Variants in PLEKHG5 observed in about 807,000 individuals in gnomAD.
PLEKHG5 encodes pleckstrin homology domain-containing family G member 5.
PLEKHG5 carries 52 observed loss-of-function variants against 103.8 expected under a neutral mutation model. The ratio of observed to expected loss-of-function variants is 0.50; its 90% CI spans 0.40 to 0.63. PLEKHG5 has a LOEUF of 0.63. Ranked by LOEUF, PLEKHG5 falls within the 30% of genes least tolerant of loss-of-function variation. PLEKHG5 has a pLI of 0.00. For missense variants in PLEKHG5, 1,205 were observed against 1,347.6 expected (o/e 0.89, Z 1.66); for synonymous variants, 592 against 575.5 (o/e 1.03, Z -0.41).
intron 1 of PLEKHG5, among the ~76,000 whole-genome samples, chr1:6,502,599 C>G (rs1645307551): frequency 6.6e-6 from 1 of 152,250 alleles, no homozygotes; most frequent in Non-Finnish European, 1.5e-5. Flanking sequence ...CCATCTGCCC[C>G]CCGTGGGCTT....
chr1:6,468,079 G>C lies in PLEKHG5; in HGVS notation c.2757C>G (p.Ser919=), dbSNP rs1233664554. 6.3e-7 allele frequency: 1 copy of C among 1,583,292 alleles called. No individual in the cohort carries two copies. The highest frequency in any genetic ancestry group is 8.6e-7 in the Non-Finnish European group (1 of 1,166,620). ...VPAPGIRTQG[S]PQEAGPSWDC... ...CCCAGCTGGGCCCAGCTTCCTGAGG[G>C]GAGCCCTGAGTCCTAATACCTGGGG... The change falls in exon 20 of 21, where the codon TCC becomes TCG. Residue 919 remains serine, a synonymous_variant. Coordinates refer to ENST00000377728, the MANE Select transcript of PLEKHG5 (RefSeq NM_020631.6).
chr1:6,484,345 C>T (rs77816669), intron 1 of PLEKHG5, among the ~76,000 whole-genome samples: 50 of 152,306 alleles, frequency 3.3e-4, no homozygotes, highest in Admixed American at 9.8e-4. Flanking sequence ...TGCCCAGGCC[C>T]GGCTGACCTC....
rs774755047 is a variant in PLEKHG5 at position 6,470,610 on chromosome 1, T to C, written c.1576A>G (p.Asn526Asp). The part of the protein sequence containing the change: ...GSVERFIHHV[N>D]ACMRQRQERQ... The stretch of plus-strand genomic sequence containing the variant: ...TCCTGCCGCTGCCGCATGCACGCGT[T>C]CACGTGGTGGATGAAGCGCTCCACG... The change falls in exon 15 of 21, where the codon AAC becomes GAC. Residue 526 changes from asparagine to aspartate, a missense_variant. By Grantham distance (23) the Asn-to-Asp change is conservative (BLOSUM62 1). Coordinates refer to ENST00000377728, the MANE Select transcript of PLEKHG5 (RefSeq NM_020631.6). The C allele has an allele frequency of 8.1e-6, 13 of 1,596,772 alleles. No individual in the cohort carries two copies. Among genetic ancestry groups the C allele is most frequent in the Admixed American group, 5.1e-5 (3 of 58,998 alleles).
At chr1:6,518,414 G>A (rs1638686676) in intron 1 of PLEKHG5, among the ~76,000 whole-genome samples, 1 of 151,480 alleles carries the variant, frequency 6.6e-6, no homozygotes, top group African/African-American at 2.4e-5. Context: ...CACAAAATGA[G>A]CCGGGCTTGA....
At chr1:6,493,267 T>G (rs1645177525), upstream of PLEKHG5, among the ~76,000 whole-genome samples, 1 of 152,174 alleles carries the variant, frequency 6.6e-6, no homozygotes, top group Non-Finnish European at 1.5e-5. Flanking sequence ...CCAGCACAGC[T>G]AGAATGTCAC....
At chr1:6,496,746 C>G (rs538201560), upstream of PLEKHG5, 6 of 557,464 alleles carry the variant, frequency 1.1e-5, no homozygotes, top group Non-Finnish European at 1.9e-5. Context: ...GTTTGCAGAG[C>G]CCTTTTCTCC....
chr1:6,473,497 C>A, intron 7 of PLEKHG5, 43 bp from the exon 8 acceptor site: 1 of 1,443,118 alleles, frequency 6.9e-7, no homozygotes, highest in Non-Finnish European at 9.2e-7. Context: ...CCCTGCCAGC[C>A]CCCATGGCCC....
chr1:6,511,624 C>T (rs751100583), intron 1 of PLEKHG5, among the ~76,000 whole-genome samples: 2 of 152,182 alleles, frequency 1.3e-5, no homozygotes, highest in Non-Finnish European at 2.9e-5. Flanking sequence ...GGCCCCCAGG[C>T]GCTGGGACTG....
chr1:6,478,128 C>G (rs1250307430), intron 1 of PLEKHG5, among the ~76,000 whole-genome samples: 2 of 152,186 alleles, frequency 1.3e-5, no homozygotes, highest in Non-Finnish European at 2.9e-5. Flanking sequence ...TCGTGAACAG[C>G]CCGCCTGGGC....
At position 6,491,060 on chromosome 1, in the gene PLEKHG5, C is replaced by A. The variant is rs1308615742; in HGVS notation, c.-88+577G>T. ...TTCTGATCTGCGGCCTCCGCGGTGC[C>A]CCAGAAACAGCCCGCTTTTCTCTGG... On this transcript the variant is annotated intron_variant, in intron 1 of 20. Coordinates refer to ENST00000377728, the MANE Select transcript of PLEKHG5 (RefSeq NM_020631.6). The surrounding 1 kb of genome is among the most constrained non-coding windows in gnomAD (Gnocchi z 4.1). Among the ~76,000 whole-genome samples, 2 of 152,094 alleles carry A rather than the reference C, an allele frequency of 1.3e-5. No homozygotes were observed. Among genetic ancestry groups the A allele is most frequent in the East Asian group, 3.9e-4 (2 of 5,188 alleles).
chr1:6,499,914 G>A (rs569599563), upstream of PLEKHG5, among the ~76,000 whole-genome samples: 12 of 152,204 alleles, frequency 7.9e-5, no homozygotes, highest in East Asian at 3.9e-4. Flanking sequence ...ATCTTCCCAC[G>A]TCAGCCTACC....
intron 1 of PLEKHG5, among the ~76,000 whole-genome samples, chr1:6,481,561 A>AAAT (rs1644902837): frequency 6.8e-6 from 1 of 146,566 alleles, no homozygotes; most frequent in South Asian, 2.2e-4. Flanking sequence ...ATAAATAAAT[A>AAAT]AATATATAAG....
chr1:6,492,736 G>C (rs563333773), upstream of PLEKHG5, among the ~76,000 whole-genome samples: 1 of 152,086 alleles, frequency 6.6e-6, no homozygotes, highest in African/African-American at 2.4e-5. Flanking sequence ...CCCCAGGGTC[G>C]CACAGCTGGA....
chr1:6,480,453 C>T lies in PLEKHG5; in HGVS notation c.-87-2795G>A, dbSNP rs964924754. 8.2e-4 allele frequency among the ~76,000 whole-genome samples: 123 copies of T among 149,412 alleles called. 1 individual carries two copies. The highest frequency in any genetic ancestry group is 3.5e-3 in the Middle Eastern group (1 of 284). On this transcript the variant is annotated intron_variant, in intron 1 of 20. Coordinates refer to ENST00000377728, the MANE Select transcript of PLEKHG5 (RefSeq NM_020631.6). The stretch of plus-strand genomic sequence containing the variant: ...GCTGAGGCAGGAGAATTGCTTGAAC[C>T]GGGGGCAGAGGTTGCAGTGAGCCGA...
At chr1:6,500,344 G>C (rs1255807627), upstream of PLEKHG5, among the ~76,000 whole-genome samples, 2 of 152,136 alleles carry the variant, frequency 1.3e-5, no homozygotes, top group Non-Finnish European at 2.9e-5. Context: ...GCAGGAGAAG[G>C]CAGCTTTGTG....
In PLEKHG5 at chr1:6,487,114, T is replaced by G. The variant is rs903023457; in HGVS notation, c.-88+4523A>C. 5.3e-5 allele frequency among the ~76,000 whole-genome samples: 8 copies of G among 152,296 alleles called. No individual in the cohort carries two copies. The highest frequency in any genetic ancestry group is 1.9e-4 in the African/African-American group (8 of 41,568). On this transcript the variant is annotated intron_variant, in intron 1 of 20. Coordinates refer to ENST00000377728, the MANE Select transcript of PLEKHG5 (RefSeq NM_020631.6). The surrounding 1 kb of genome is among the most constrained non-coding windows in gnomAD (Gnocchi z 4.1). Reference sequence around the variant, plus strand: ...CACCACAGGCAGAGTTGTGTTTTTGTTTTTTGTTTGTTTGTTTTTGAGACG... The same window carrying G: ...CACCACAGGCAGAGTTGTGTTTTTGGTTTTTGTTTGTTTGTTTTTGAGACG...
rs530289402 is a variant in PLEKHG5 at position 6,501,786 on chromosome 1, G to A, written c.-164-5217C>T. On this transcript the variant is annotated intron_variant, in intron 1 of 21. Transcript: ENST00000377740. This position sits in a 1 kb window ranked among gnomAD's most constrained non-coding sequence, Gnocchi z 4.3. ...TGACACAATTAGCTGTCTGGAAAACGTGAATTGGTCCCCCCATCATGACAT... is the reference window on the plus strand; with the variant it reads ...TGACACAATTAGCTGTCTGGAAAACATGAATTGGTCCCCCCATCATGACAT... 8.1e-4 allele frequency among the ~76,000 whole-genome samples: 123 copies of A among 152,314 alleles called. No individual in the cohort carries two copies. The highest frequency in any genetic ancestry group is 1.4e-3 in the Non-Finnish European group (96 of 68,032).
Position 6,505,312 on chromosome 1 carries a change from C to T in PLEKHG5, c.-164-8743G>A, listed in dbSNP as rs1638281808. ...CCACGATGCCGACCAGCCTACGGTG[C>T]CGACCAGCTGAGCTGAGCGGACAGA... On this transcript the variant is annotated intron_variant, in intron 1 of 21. Transcript: ENST00000377740. This position sits in a 1 kb window ranked among gnomAD's most constrained non-coding sequence, Gnocchi z 4.2. Among the ~76,000 whole-genome samples, 1 of 152,082 alleles carries T rather than the reference C, an allele frequency of 6.6e-6. No homozygotes were observed. The highest frequency in any genetic ancestry group is 6.5e-5 in the Admixed American group (1 of 15,282).
intron 1 of PLEKHG5, among the ~76,000 whole-genome samples, chr1:6,508,183 T>TGG (rs36064039): frequency 6.6e-6 from 1 of 151,764 alleles, no homozygotes; most frequent in East Asian, 1.9e-4. Context: ...AGCGGTCACC[T>TGG]GGGGCCCCAC....
Sources: allele counts gnomAD v4.1 joint callset (sites outside exome capture counted in the v4.1 genomes callset), GRCh38; gene constraint gnomAD v4.1.1; non-coding constraint Gnocchi (gnomAD v3.1); transcripts MANE v1.5; gene names NCBI Gene and HGNC (gene_info 2026-07-23, HGNC 2026-07-21).